ITPK1: variants seen among roughly 807,000 people sequenced by gnomAD.
ITPK1 encodes inositol-tetrakisphosphate 1-kinase.
ITPK1 carries 21 observed loss-of-function variants against 45.3 expected under a neutral mutation model. That is an observed-to-expected ratio of 0.46 (90% CI 0.33 to 0.67). ITPK1 has a LOEUF of 0.67. Among genes scored for constraint, ITPK1 ranks in the 30% least tolerant of loss-of-function variants. The pLI, the probability that ITPK1 is intolerant of heterozygous loss-of-function variation, is 0.02. For synonymous variants in ITPK1, 258 were observed against 253.6 expected (o/e 1.02, Z -0.16); for missense variants, 474 against 573.5 (o/e 0.83, Z 1.77).
intron 5 of ITPK1, among the ~76,000 whole-genome samples, chr14:92,975,345 C>A (rs1164110803): frequency 6.6e-6 from 1 of 152,166 alleles, no homozygotes; most frequent in African/African-American, 2.4e-5. Context: ...GACATTAAGG[C>A]TTCTTGGGTG....
intron 3 of ITPK1, among the ~76,000 whole-genome samples, chr14:93,046,895 T>A (rs1459380182): frequency 6.6e-6 from 1 of 152,226 alleles, no homozygotes; most frequent in Non-Finnish European, 1.5e-5. Context: ...CTAGGCTATC[T>A]GAGGCCCATG....
intron 3 of ITPK1, among the ~76,000 whole-genome samples, chr14:93,018,941 C>T (rs1009100276): frequency 2.6e-5 from 4 of 152,240 alleles, no homozygotes; most frequent in African/African-American, 9.6e-5. Context: ...TCAGTTTCCC[C>T]TTTGATAGAA....
At chr14:93,026,770 C>CAGA (rs1416319090) in intron 3 of ITPK1, among the ~76,000 whole-genome samples, 2 of 151,536 alleles carry the variant, frequency 1.3e-5, no homozygotes, top group Non-Finnish European at 2.9e-5. Flanking sequence ...CATGCTGCCA[C>CAGA]AGAAGAGAAC....
chr14:93,015,040 C>T (rs1001154495), intron 4 of ITPK1, among the ~76,000 whole-genome samples: 2 of 152,178 alleles, frequency 1.3e-5, no homozygotes, highest in South Asian at 2.1e-4. Context: ...AGGGGCCTTC[C>T]GAAGGAGACG....
chr14:92,942,699 G>C (rs1251761547), intron 10 of ITPK1, among the ~76,000 whole-genome samples: 1 of 151,168 alleles, frequency 6.6e-6, no homozygotes, highest in Non-Finnish European at 1.5e-5. Flanking sequence ...GTACCTGCCT[G>C]GGGCAAGTGC....
At chr14:93,022,846 A>G (rs914510405) in intron 3 of ITPK1, among the ~76,000 whole-genome samples, 6 of 152,266 alleles carry the variant, frequency 3.9e-5, no homozygotes, top group African/African-American at 1.4e-4. Context: ...AAAAACAACA[A>G]AAACAAAAAA....
chr14:92,939,553 A>T lies in ITPK1; in HGVS notation c.*2008T>A. The T allele has an allele frequency of 2.7e-6, 1 of 365,086 alleles. No individual in the cohort carries two copies. Among genetic ancestry groups the T allele is most frequent in the Non-Finnish European group, 3.8e-6 (1 of 264,806 alleles). 22.6% of individuals were successfully genotyped at this position (365,086 alleles called of 1,614,324 possible). A position where few individuals can be genotyped will look rare whatever the true frequency, so the allele number is the denominator to read the frequency against. On this transcript the variant is annotated 3_prime_UTR_variant, in exon 11 of 11. Transcript: ENST00000267615. ...AAGCAAATCTCCATCCTCCATCTCC[A>T]CTCTTGGAAAATGCAGCTGCCCTGC...
At chr14:92,966,830 A>C (rs188344680) in intron 5 of ITPK1, among the ~76,000 whole-genome samples, 1 of 152,370 alleles carries the variant, frequency 6.6e-6, no homozygotes, top group East Asian at 1.9e-4. Context: ...GTGCCAAGAC[A>C]ATTCAAGGGG....
At chr14:93,053,923 C>G (rs1055459774) in intron 3 of ITPK1, among the ~76,000 whole-genome samples, 3 of 152,202 alleles carry the variant, frequency 2.0e-5, no homozygotes, top group African/African-American at 7.2e-5. Context: ...GCAGGTAAAA[C>G]TACCCAGTTG....
At chr14:93,102,292 G>A (rs1892351486) in intron 2 of ITPK1, among the ~76,000 whole-genome samples, 1 of 152,252 alleles carries the variant, frequency 6.6e-6, no homozygotes, top group Admixed American at 6.5e-5. Flanking sequence ...GCTGCGCCCA[G>A]GTCAAGGTGA....
chr14:93,032,350 AAAT>A lies in ITPK1; in HGVS notation c.121-15552_121-15550del, dbSNP rs10675965. ...GGGCGACAGAGCGAGACTCCATCTC[AAAT>A]AATAATAATAATAATAATAAAGCAT... On this transcript the variant is annotated intron_variant, in intron 3 of 10. Transcript: ENST00000267615. This position sits in a 1 kb window ranked among gnomAD's most constrained non-coding sequence, Gnocchi z 4.0. Among the ~76,000 whole-genome samples the A allele has an allele frequency of 4.7e-5, 7 of 150,160 alleles. No homozygotes were observed. Among genetic ancestry groups the A allele is most frequent in the African/African-American group, 1.7e-4 (7 of 40,558 alleles).
chr14:92,945,134 A>AGG (rs1479816929), intron 10 of ITPK1, among the ~76,000 whole-genome samples: 2 of 152,222 alleles, frequency 1.3e-5, no homozygotes, highest in Admixed American at 6.5e-5. Context: ...AGCTCTCCCC[A>AGG]GGCAGGGCAT....
At chr14:92,954,892 G>A (rs1884612785) in intron 8 of ITPK1, among the ~76,000 whole-genome samples, 1 of 152,160 alleles carries the variant, frequency 6.6e-6, no homozygotes, top group African/African-American at 2.4e-5. Context: ...TCACCCAGTG[G>A]TATCCCAGGA....
intron 3 of ITPK1, among the ~76,000 whole-genome samples, chr14:93,046,564 G>C (rs761187768): frequency 1.2e-4 from 18 of 149,244 alleles, no homozygotes; most frequent in Non-Finnish European, 2.5e-4. Context: ...AAAAAGGCTA[G>C]GTAAGCAGGG....
At position 92,965,957 on chromosome 14, in the gene ITPK1, C is replaced by T. The variant is rs555566955; in HGVS notation, c.365-3108G>A. On this transcript the variant is annotated intron_variant, in intron 5 of 10. Transcript: ENST00000267615. The stretch of plus-strand genomic sequence containing the variant: ...GGTGGAGGTTGACGTGAGCCAAGAT[C>T]GCGCCATTGCATTCCAGCCTGGGCA... Among the ~76,000 whole-genome samples the T allele has an allele frequency of 1.7e-3, 254 of 152,296 alleles. 1 individual carries two copies. The highest frequency in any genetic ancestry group is 5.8e-3 in the African/African-American group (239 of 41,558).
At chr14:93,057,547 G>A (rs1160336418) in intron 3 of ITPK1, among the ~76,000 whole-genome samples, 2 of 152,208 alleles carry the variant, frequency 1.3e-5, no homozygotes, top group African/African-American at 4.8e-5. Flanking sequence ...AAAGGAAACA[G>A]ACGTGCGAGT....
intron 9 of ITPK1, among the ~76,000 whole-genome samples, chr14:92,947,010 G>A (rs556869068): frequency 6.6e-6 from 1 of 152,324 alleles, no homozygotes; most frequent in East Asian, 1.9e-4. Context: ...AGGACACAGG[G>A]GAGGCAAAGG....
rs972318524 is a variant in ITPK1 at position 92,994,098 on chromosome 14, C to T, written c.247-101G>A. ...CGTCCATCCGTTCCTGTCCTATCCT[C>T]CAGCCCTAGCTTTGGTGGAGGGTGG... On this transcript the variant is annotated intron_variant, in intron 4 of 10. Transcript: ENST00000267615. 6.7e-6 allele frequency: 5 copies of T among 741,184 alleles called. No individual in the cohort carries two copies. In the African/African-American group the frequency reaches 8.6e-5, roughly 13 times the overall value. The allele number at this position is 741,184 out of a possible 1,614,324, so 45.9% of individuals were successfully genotyped here.
chr14:93,015,860 TC>T (rs1007027487), intron 4 of ITPK1, among the ~76,000 whole-genome samples: 3 of 152,112 alleles, frequency 2.0e-5, no homozygotes, highest in Non-Finnish European at 4.4e-5. Flanking sequence ...CGGGTAAGAT[TC>T]CCTTTGTCCT....
Sources: allele counts gnomAD v4.1 joint callset (sites outside exome capture counted in the v4.1 genomes callset), GRCh38; gene constraint gnomAD v4.1.1; non-coding constraint Gnocchi (gnomAD v3.1); transcripts MANE v1.5; gene names NCBI Gene and HGNC (gene_info 2026-07-23, HGNC 2026-07-21).